Variants in KANTR observed in about 807,000 individuals in gnomAD.
The protein encoded by KANTR is KDM5C adjacent transcript.
At chrX:53,133,376 A>G (rs1329929104) in intron 2 of KANTR, among the ~76,000 whole-genome samples, 1 of 100,129 alleles carries the variant, frequency 1.0e-5, no homozygotes, top group African/African-American at 3.5e-5. Flanking sequence ...AAAAAAAAAA[A>G]GAAAGAAAGG....
At chrX:53,127,775 T>C (rs1556816364), downstream of KANTR, among the ~76,000 whole-genome samples, 2 of 111,147 alleles carry the variant, frequency 1.8e-5, no homozygotes, top group Admixed American at 9.6e-5. Flanking sequence ...CCAACTCTCA[T>C]TGGGCTTTCT....
chrX:53,100,098 T>C (rs782053412), intron 2 of KANTR, among the ~76,000 whole-genome samples: 1 of 112,285 alleles, frequency 8.9e-6, no homozygotes, highest in South Asian at 3.6e-4. Context: ...TCCTGTCTTT[T>C]GAAGCTTTGA....
chrX:53,124,591 C>T (rs1933270037), exon 3 of KANTR: 1 of 294,810 alleles, frequency 3.4e-6, no homozygotes, highest in Non-Finnish European at 5.9e-6. Context: ...CTAACTCCTG[C>T]TTCTCCATAA....
downstream of KANTR, among the ~76,000 whole-genome samples, chrX:53,128,109 G>T (rs781890535): frequency 1.4e-4 from 16 of 111,690 alleles, no homozygotes; most frequent in Non-Finnish European, 3.0e-4. Context: ...GCCTGCCCAT[G>T]ACTCCGGATA....
chrX:53,116,975 A>G (rs1556814660), intron 2 of KANTR, among the ~76,000 whole-genome samples: 1 of 111,521 alleles, frequency 9.0e-6, no homozygotes, highest in Non-Finnish European at 1.9e-5. Context: ...CATATAACAT[A>G]TATTAGATAT....
chrX:53,137,731 T>TG (rs1347916696), intron 2 of KANTR, among the ~76,000 whole-genome samples: 1 of 108,355 alleles, frequency 9.2e-6, no homozygotes, highest in Non-Finnish European at 1.9e-5. Context: ...ATCGTGCCAT[T>TG]GCACTCCAGC....
downstream of KANTR, among the ~76,000 whole-genome samples, chrX:53,129,854 A>ATTTATTTG (rs1556816734): frequency 4.8e-5 from 5 of 104,457 alleles, no homozygotes; most frequent in Admixed American, 2.1e-4. Flanking sequence ...TTACAAATTT[A>ATTTATTTG]TTTATTTATT....
chrX:53,105,295 G>A (rs1159072050), intron 2 of KANTR, among the ~76,000 whole-genome samples: 6 of 111,620 alleles, frequency 5.4e-5, no homozygotes, highest in African/African-American at 1.9e-4. Flanking sequence ...AACACTTTTC[G>A]TTTGTCTTTT....
At chrX:53,141,675 G>T (rs1933503530) in intron 2 of KANTR, among the ~76,000 whole-genome samples, 1 of 78,660 alleles carries the variant, frequency 1.3e-5, no homozygotes, top group Non-Finnish European at 2.6e-5. Context: ...CTCTATTATT[G>T]GATTTTTTTT....
At chrX:53,127,893 G>GT (rs1428542422), downstream of KANTR, among the ~76,000 whole-genome samples, 3 of 111,639 alleles carry the variant, frequency 2.7e-5, no homozygotes, top group Admixed American at 2.8e-4. Flanking sequence ...CTTGGTGGTG[G>GT]TAGGGGGGCT....
chrX:53,104,066 G>T (rs1248341520), intron 2 of KANTR, among the ~76,000 whole-genome samples: 3 of 110,555 alleles, frequency 2.7e-5, no homozygotes, highest in Non-Finnish European at 5.7e-5. Flanking sequence ...TTGAGACAGG[G>T]TCTTACTGTA....
chrX:53,146,047 GA>G (rs1172202997), downstream of KANTR, among the ~76,000 whole-genome samples: 8 of 111,561 alleles, frequency 7.2e-5, no homozygotes, highest in Non-Finnish European at 1.3e-4. Flanking sequence ...CAAAGATGGG[GA>G]AAAAACAGAG....
At chrX:53,121,962 G>A (rs1162929351) in intron 2 of KANTR, among the ~76,000 whole-genome samples, 3 of 111,478 alleles carry the variant, frequency 2.7e-5, no homozygotes, top group Non-Finnish European at 3.8e-5. Context: ...TCAAGTAGGT[G>A]GGAAGAATTG....
intron 2 of KANTR, among the ~76,000 whole-genome samples, chrX:53,117,609 G>GTGTT (rs1178845802): frequency 1.6e-5 from 1 of 63,873 alleles, no homozygotes; most frequent in African/African-American, 6.9e-5. Context: ...GTGTGTGTGT[G>GTGTT]TTTTTTTTTT....
chrX:53,121,466 T>C (rs1217548326), intron 2 of KANTR, among the ~76,000 whole-genome samples: 1 of 112,009 alleles, frequency 8.9e-6, no homozygotes, highest in African/African-American at 3.2e-5. Context: ...CATCAGACTT[T>C]ACATGGCTTT....
chrX:53,143,598 C>T (rs782213997), downstream of KANTR: 782 of 656,363 alleles, frequency 1.2e-3, 2 homozygotes, highest in Admixed American at 1.3e-3. Context: ...GGGCCTCGGC[C>T]AACAGCACCG....
intron 2 of KANTR, among the ~76,000 whole-genome samples, chrX:53,109,840 G>A (rs1487390162): frequency 9.4e-6 from 1 of 105,876 alleles, no homozygotes; most frequent in Non-Finnish European, 1.9e-5. Context: ...CTGCACCCCC[G>A]TCTCCTGGGT....
intron 2 of KANTR, among the ~76,000 whole-genome samples, chrX:53,122,868 A>T (rs1933245058): frequency 9.0e-6 from 1 of 111,306 alleles, no homozygotes; most frequent in Non-Finnish European, 1.9e-5. Flanking sequence ...TCCATGAGTA[A>T]AATTGGTCTT....
chrX:53,132,206 A>G (rs1933367854), downstream of KANTR, among the ~76,000 whole-genome samples: 1 of 111,934 alleles, frequency 8.9e-6, no homozygotes, highest in Non-Finnish European at 1.9e-5. Context: ...TAATTCCTAT[A>G]AAAATCTCAG....
Sources: gnomAD v4.1 joint callset for allele counts (sites outside exome capture counted in the v4.1 genomes callset) on GRCh38, gnomAD v4.1.1 for gene constraint, MANE v1.5 for transcripts, NCBI Gene and HGNC (gene_info 2026-07-23, HGNC 2026-07-21) for gene names.